Variants in SEMA5A observed in about 807,000 individuals in gnomAD.
SEMA5A encodes the protein semaphorin-5A.
A neutral mutation model predicts 135.5 loss-of-function variants in SEMA5A; 55 were observed. The ratio of observed to expected loss-of-function variants is 0.41; its 90% confidence interval spans 0.33 to 0.51. SEMA5A has a LOEUF of 0.51. Among genes scored for constraint, SEMA5A ranks in the 20% least tolerant of loss-of-function variants. The probability of loss-of-function intolerance (pLI) is 0.37; values close to 1 mark genes in which losing one functional copy is unlikely to be tolerated. For missense variants in SEMA5A, 1,290 were observed against 1,419.9 expected, an observed-to-expected ratio of 0.91 and a Z score of 1.47; for synonymous variants, 580 against 546.5, an observed-to-expected ratio of 1.06 and a Z score of -0.85.
chr5:9,210,376 C>G (rs553298991), intron 8 of SEMA5A, among the ~76,000 whole-genome samples: 2 of 152,270 alleles, frequency 1.3e-5, no homozygotes, highest in African/African-American at 2.4e-5. Context: ...CTTAACCACA[C>G]TTTTGTACCC....
intron 5 of SEMA5A, among the ~76,000 whole-genome samples, chr5:9,244,116 G>T (rs548733251): frequency 6.6e-6 from 1 of 152,292 alleles, no homozygotes; most frequent in East Asian, 1.9e-4. Flanking sequence ...GGTGCAGCCA[G>T]GGTATGATAT....
chr5:9,062,083 CACA>C (rs2150064891), intron 18 of SEMA5A, among the ~76,000 whole-genome samples: 1 of 152,238 alleles, frequency 6.6e-6, no homozygotes, highest in South Asian at 2.1e-4. Flanking sequence ...TTCCATCAGG[CACA>C]ACAACTAGAG....
At chr5:9,420,670 A>C (rs932493274) in intron 2 of SEMA5A, among the ~76,000 whole-genome samples, 1 of 152,128 alleles carries the variant, frequency 6.6e-6, no homozygotes, top group Admixed American at 6.5e-5. Flanking sequence ...AGGCTCTCTG[A>C]CAGTCTTACT....
intron 2 of SEMA5A, among the ~76,000 whole-genome samples, chr5:9,418,828 G>A (rs1345212382): frequency 6.6e-6 from 1 of 152,168 alleles, no homozygotes; most frequent in African/African-American, 2.4e-5. Flanking sequence ...GCAGGTAATA[G>A]GCATCCTAAC....
chr5:9,220,309 T>C (rs1185960776), intron 8 of SEMA5A, among the ~76,000 whole-genome samples: 1 of 151,996 alleles, frequency 6.6e-6, no homozygotes, highest in Non-Finnish European at 1.5e-5. Flanking sequence ...ACTAAATAAC[T>C]TATCCATGTA....
At chr5:9,162,466 A>G (rs63749550) in intron 11 of SEMA5A, among the ~76,000 whole-genome samples, 29 of 11,094 alleles carry the variant, frequency 2.6e-3, no homozygotes, top group African/African-American at 7.1e-3. Context: ...ATGTGTGTGT[A>G]TATATATGTG....
chr5:9,322,065 G>A (rs974184488), intron 4 of SEMA5A, among the ~76,000 whole-genome samples: 5 of 152,224 alleles, frequency 3.3e-5, no homozygotes, highest in East Asian at 1.9e-4. Context: ...CACAGAGATC[G>A]CCATCCACAA....
intron 16 of SEMA5A, 125 bp downstream of exon 16, chr5:9,108,015 C>T: frequency 4.1e-6 from 5 of 1,233,114 alleles, no homozygotes; most frequent in Non-Finnish European, 5.6e-6. Context: ...TTGTGCAGAG[C>T]CTCTAGTGTG....
chr5:9,368,382 C>T (rs567058489), intron 3 of SEMA5A, among the ~76,000 whole-genome samples: 4 of 152,204 alleles, frequency 2.6e-5, no homozygotes, highest in African/African-American at 7.2e-5. Context: ...TTGGGACTAA[C>T]GTAATTTCAA....
intron 10 of SEMA5A, among the ~76,000 whole-genome samples, chr5:9,193,423 AT>A (rs1266878475): frequency 6.6e-6 from 1 of 152,200 alleles, no homozygotes; most frequent in Admixed American, 6.5e-5. Context: ...TAATTCTACA[AT>A]TTTTTTAAAT....
Position 9,523,849 on chromosome 5 carries a change from T to C in SEMA5A, c.-175+21735A>G, listed in dbSNP as rs145304991. 2.1e-3 allele frequency among the ~76,000 whole-genome samples: 320 copies of C among 152,352 alleles called. 1 individual carries two copies. In the South Asian group the frequency reaches 0.033, roughly 16 times the overall value. ...CCTTACAGATGGTGTACAGGGTCAA[T>C]TAGTGTCTGTCCCCTAAAAGTTCAC... On this transcript the variant is annotated intron_variant, in intron 1 of 22. Coordinates refer to ENST00000382496, the MANE Select transcript of SEMA5A (RefSeq NM_003966.3).
chr5:9,197,744 G>T (rs146038623), intron 9 of SEMA5A, among the ~76,000 whole-genome samples: 16,988 of 128,552 alleles, frequency 0.13, 1,237 homozygotes, highest in East Asian at 0.26. Flanking sequence ...GTGTGTGTGT[G>T]TGTGTGTGTG....
At chr5:9,060,518 T>C (rs542387141) in intron 18 of SEMA5A, among the ~76,000 whole-genome samples, 5 of 152,260 alleles carry the variant, frequency 3.3e-5, no homozygotes, top group African/African-American at 1.2e-4. Context: ...CTAGTGAGCT[T>C]GCCCACAGGA....
chr5:9,413,980 A>G (rs1159869265), intron 2 of SEMA5A, among the ~76,000 whole-genome samples: 13 of 152,236 alleles, frequency 8.5e-5, no homozygotes, highest in Non-Finnish European at 1.5e-5. Flanking sequence ...AACTCATCAG[A>G]GAAGCTGGAA....
intron 14 of SEMA5A, among the ~76,000 whole-genome samples, chr5:9,120,984 G>T (rs1179812041): frequency 1.3e-5 from 2 of 152,000 alleles, no homozygotes; most frequent in African/African-American, 2.4e-5. Flanking sequence ...CTCCATGTTG[G>T]TCAGGCTGGT....
At chr5:9,442,447 C>A (rs1242479290) in intron 1 of SEMA5A, among the ~76,000 whole-genome samples, 1 of 152,146 alleles carries the variant, frequency 6.6e-6, no homozygotes, top group East Asian at 1.9e-4. Context: ...CAGCTATGCA[C>A]CTTTTCCACA....
At chr5:9,532,249 G>C (rs1223436431) in intron 1 of SEMA5A, among the ~76,000 whole-genome samples, 1 of 150,774 alleles carries the variant, frequency 6.6e-6, no homozygotes, top group Non-Finnish European at 1.5e-5. Context: ...AAACCTTGGG[G>C]AAAAACAGTA....
intron 8 of SEMA5A, among the ~76,000 whole-genome samples, chr5:9,222,064 G>A (rs2150411043): frequency 6.6e-6 from 1 of 152,330 alleles, no homozygotes; most frequent in South Asian, 2.1e-4. Context: ...CCCCCCTGGG[G>A]CTGGATTTGG....
intron 2 of SEMA5A, among the ~76,000 whole-genome samples, chr5:9,417,584 G>T (rs1416709906): frequency 6.6e-6 from 1 of 152,174 alleles, no homozygotes; most frequent in African/African-American, 2.4e-5. Context: ...GAACAAGAAT[G>T]ATCATGAAGG....
Sources: allele counts gnomAD v4.1 joint callset (sites outside exome capture counted in the v4.1 genomes callset), GRCh38; gene constraint gnomAD v4.1.1; transcripts MANE v1.5; gene names NCBI Gene and HGNC (gene_info 2026-07-23, HGNC 2026-07-21).